The following MYH15 variants were observed in gnomAD, a reference collection of about 807,000 sequenced individuals.
MYH15 encodes myosin-15.
In MYH15, 227 loss-of-function variants were observed where a neutral mutation model predicts 240.5. The observed-to-expected ratio is 0.94, with a 90% CI of 0.85 to 1.05. The LOEUF is 1.05. Among genes scored for constraint, MYH15 ranks in the 50% least tolerant of loss-of-function variants. The pLI, the probability that MYH15 is intolerant of heterozygous loss-of-function variation, is 0.00. For missense variants in MYH15, 2,217 were observed against 2,247.5 expected, an observed-to-expected ratio of 0.99 and a Z score of 0.27; for synonymous variants, 785 against 796.7, an observed-to-expected ratio of 0.99 and a Z score of 0.25.
the MYH15 span, among the ~76,000 whole-genome samples, chr3:108,545,537 T>C: frequency 1.3e-5 from 2 of 152,116 alleles, no homozygotes; most frequent in African/African-American, 4.8e-5. Context: ...TTTCCTTAGG[T>C]AGAGCCAGAA....
At chr3:108,515,303 T>G (rs2107259893), upstream of MYH15, among the ~76,000 whole-genome samples, 1 of 152,234 alleles carries the variant, frequency 6.6e-6, no homozygotes, top group Non-Finnish European at 1.5e-5. Flanking sequence ...TGTGGTGTGG[T>G]CACATGGTGC....
At chr3:108,545,855 T>C in the MYH15 span, among the ~76,000 whole-genome samples, 1 of 152,120 alleles carries the variant, frequency 6.6e-6, no homozygotes, top group Non-Finnish European at 1.5e-5. Context: ...GGATGCATGA[T>C]ATTTTACTCC....
chr3:108,400,369 A>T (rs1419689048), intron 33 of MYH15, among the ~76,000 whole-genome samples: 1 of 152,240 alleles, frequency 6.6e-6, no homozygotes, highest in East Asian at 1.9e-4. Context: ...TCAATTCATG[A>T]AACAGGGACC....
At chr3:108,437,205 A>G (rs12152232) in intron 25 of MYH15, among the ~76,000 whole-genome samples, 1 of 131,680 alleles carries the variant, frequency 7.6e-6, no homozygotes, top group South Asian at 2.4e-4. Context: ...TTTTTTTTAC[A>G]TTTTATGCCA....
intron 14 of MYH15, among the ~76,000 whole-genome samples, chr3:108,465,555 A>G (rs1283238999): frequency 1.3e-5 from 2 of 152,198 alleles, no homozygotes; most frequent in Non-Finnish European, 2.9e-5. Context: ...TGGTTTAGAA[A>G]GTAGGGCTCA....
intron 16 of MYH15, 63 bp from the exon 17 acceptor site, chr3:108,460,430 C>T (rs2083062661): frequency 7.7e-7 from 1 of 1,297,096 alleles, no homozygotes; most frequent in Non-Finnish European, 1.1e-6. Flanking sequence ...ATCACATTAT[C>T]CTACCCCACT....
chr3:108,536,121 C>CG, the MYH15 span, among the ~76,000 whole-genome samples: 2 of 152,136 alleles, frequency 1.3e-5, no homozygotes, highest in East Asian at 3.9e-4. Flanking sequence ...AAAAACTAGC[C>CG]GGGGGTGGTG....
intron 27 of MYH15, among the ~76,000 whole-genome samples, chr3:108,427,230 T>C (rs1348504758): frequency 6.6e-6 from 1 of 152,234 alleles, no homozygotes; most frequent in Non-Finnish European, 1.5e-5. Flanking sequence ...GTGAAGGACA[T>C]AAATTTGGGG....
At chr3:108,480,291 C>A (rs2083256531) in intron 11 of MYH15, among the ~76,000 whole-genome samples, 1 of 152,148 alleles carries the variant, frequency 6.6e-6, no homozygotes, top group South Asian at 2.1e-4. Context: ...TAACAATGAA[C>A]AGCACGACTT....
intron 6 of MYH15, among the ~76,000 whole-genome samples, chr3:108,497,157 T>TAAAAAA (rs5851595): frequency 1.7e-4 from 5 of 28,766 alleles, no homozygotes; most frequent in South Asian, 5.8e-3. Context: ...CGAGACTCCG[T>TAAAAAA]AAAAAAAAAA....
At chr3:108,501,639 A>G in intron 3 of MYH15, 73 bp downstream of exon 3, 1 of 1,579,094 alleles carries the variant, frequency 6.3e-7, no homozygotes, top group Non-Finnish European at 8.7e-7. Context: ...AATGTAAGAG[A>G]TCACCCAGGA....
chr3:108,381,418 G>T lies in MYH15; in HGVS notation c.*127C>A. On this transcript the variant is annotated 3_prime_UTR_variant, in exon 41 of 41. Transcript: ENST00000693548. ...CTTTAATTATTTTTCTAATTGCCTT[G>T]TTTATATGGTGTGAAAAGCAATTTA... The T allele has an allele frequency of 9.2e-7, 1 of 1,085,498 alleles. No homozygotes were observed. The highest frequency in any genetic ancestry group is 1.4e-6 in the Non-Finnish European group (1 of 704,500). The allele number at this position is 1,085,498 out of a possible 1,614,324, so 67.2% of individuals were successfully genotyped here. A position where few individuals can be genotyped will look rare whatever the true frequency, so the allele number is the denominator to read the frequency against.
At chr3:108,415,982 A>G (rs1454832927) in intron 29 of MYH15, among the ~76,000 whole-genome samples, 1 of 152,220 alleles carries the variant, frequency 6.6e-6, no homozygotes, top group Admixed American at 6.5e-5. Flanking sequence ...GACCTTGGAC[A>G]TGATATTTTT....
rs1355715908 is a variant in MYH15, at chr3:108,399,232, G to C, written c.4772C>G (p.Ser1591Cys). 6.2e-7 allele frequency: 1 copy of C among 1,614,138 alleles called. No homozygotes were observed. Among genetic ancestry groups the C allele is most frequent in the Admixed American group, 1.7e-5 (1 of 60,032 alleles). The change falls in exon 34 of 41, where the codon TCT (serine) becomes TGT (cysteine). Residue 1591 changes from serine to cysteine, a missense_variant. Ser to Cys is a moderately radical substitution (Grantham distance 112). Transcript: ENST00000693548. ...GCTCTTAGCTTCAGAATCCAGACTA[G>C]ACTGCAGGGAGTCAATGGTACACTG... The part of the protein sequence containing the change: ...KQQCTIDSLQ[S>C]SLDSEAKSRI...
chr3:108,501,541 CA>C (rs2083437967), intron 3 of MYH15, among the ~76,000 whole-genome samples, 170 bp downstream of exon 3: 1 of 152,102 alleles, frequency 6.6e-6, no homozygotes, highest in South Asian at 2.1e-4. Flanking sequence ...TGAATGTTGA[CA>C]AAATAAAATT....
In MYH15 at chr3:108,507,727, T is replaced by A. The variant is rs143478633; in HGVS notation, c.89-1898A>T. Among the ~76,000 whole-genome samples, 5 of 152,336 alleles carry A rather than the reference T, an allele frequency of 3.3e-5. No individual in the cohort carries two copies. In the East Asian group the frequency reaches 9.7e-4, roughly 29 times the overall value. ...AACTGCTTGGCAAGAGGAGTTTATG[T>A]TCCCATCTAGCTGATTGTGCATTTG... On this transcript the variant is annotated intron_variant, in intron 1 of 40. Transcript: ENST00000693548.
chr3:108,494,688 C>T (rs1161451510), intron 7 of MYH15, among the ~76,000 whole-genome samples: 1 of 152,164 alleles, frequency 6.6e-6, no homozygotes, highest in East Asian at 1.9e-4. Flanking sequence ...GAAACAAAGT[C>T]TCACTGTGTT....
At chr3:108,439,713 C>A in intron 24 of MYH15, 24 bp downstream of exon 24, 1 of 1,523,620 alleles carries the variant, frequency 6.6e-7, no homozygotes, top group Admixed American at 2.1e-5. Flanking sequence ...AGATAGATAA[C>A]TAACCAGATA....
At chr3:108,518,735 C>T (rs1175202008) in intron 1 of MYH15, among the ~76,000 whole-genome samples, 1 of 152,218 alleles carries the variant, frequency 6.6e-6, no homozygotes, top group African/African-American at 2.4e-5. Context: ...CCCTGTCCCT[C>T]ATCTGGCTAA....
Sources: gnomAD v4.1 joint callset for allele counts (sites outside exome capture counted in the v4.1 genomes callset) on GRCh38, gnomAD v4.1.1 for gene constraint, MANE v1.5 for transcripts, NCBI Gene and HGNC (gene_info 2026-07-23, HGNC 2026-07-21) for gene names.